The following SYMPK variants were observed in gnomAD, a reference collection of about 807,000 sequenced individuals.
The protein encoded by SYMPK is symplekin.
In SYMPK, 49 loss-of-function variants were observed where a neutral mutation model predicts 136.4. That is an observed-to-expected ratio of 0.36 (90% confidence interval 0.29 to 0.46). The LOEUF (loss-of-function observed/expected upper bound fraction) is 0.46. Ranked by LOEUF, SYMPK falls within the 20% of genes least tolerant of loss-of-function variation. SYMPK has a pLI of 1.00. For synonymous variants in SYMPK, 766 were observed against 713.0 expected, an observed-to-expected ratio of 1.07 and a Z score of -1.19; for missense variants, 1,365 against 1,690.0, an observed-to-expected ratio of 0.81 and a Z score of 3.37.
rs1568604786 is a variant in SYMPK at position 45,816,148 on chromosome 19, T to TGGGGCC, written c.3384_3389dup (p.Ala1131_Pro1132dup). 2 of 1,547,654 alleles carry TGGGGCC rather than the reference T, an allele frequency of 1.3e-6. 1 individual carries two copies. The highest frequency in any genetic ancestry group is 2.4e-5 in the South Asian group (2 of 84,516). ...TGAGGTCCTGAGGGGGCCGGGGTGCTGGGGCCGGGGCCAAGGTCAGGGGCT... is the reference window on the plus strand; with the variant it reads ...TGAGGTCCTGAGGGGGCCGGGGTGCTGGGGCCGGGGCCGGGGCCAAGGTCAGGGGCT... On this transcript the variant is annotated inframe_insertion, in exon 26 of 27. Transcript: ENST00000245934.
In SYMPK at chr19:45,827,558, G is replaced by C; in HGVS notation, c.2133C>G (p.Phe711Leu). ...DLIFKRPSRQFQYLHVLLDLS... is the reference protein window; with the variant it reads ...DLIFKRPSRQLQYLHVLLDLS... The stretch of plus-strand genomic sequence containing the variant: ...GGTCGAGGAGGACATGCAGGTACTG[G>C]AACTGGCGGGACGGGCGCTTGAAGA... The change falls in exon 16 of 27, where the codon TTC (phenylalanine) becomes TTG (leucine). Residue 711 changes from phenylalanine to leucine, a missense_variant. Physicochemically the swap from Phe to Leu is conservative, Grantham distance 22. Coordinates refer to ENST00000245934, the MANE Select transcript of SYMPK (RefSeq NM_004819.3). 1.9e-6 allele frequency: 3 copies of C among 1,614,164 alleles called. No individual in the cohort carries two copies. The highest frequency in any genetic ancestry group is 1.1e-5 in the South Asian group (1 of 91,082).
chr19:45,831,954 C>T (rs1052403234), intron 11 of SYMPK, among the ~76,000 whole-genome samples: 1 of 152,158 alleles, frequency 6.6e-6, no homozygotes, highest in Non-Finnish European at 1.5e-5. Flanking sequence ...CTGCCTCAGC[C>T]TCTCAGCCTC....
Position 45,815,846 on chromosome 19 carries a change from C to G in SYMPK, c.3687+5G>C. ...TTCCTTCGCAGCGGAGGCTGCTCTCCCTACCTTGGGTAGGGGGCCCTCGAG... is the reference window on the plus strand; with the variant it reads ...TTCCTTCGCAGCGGAGGCTGCTCTCGCTACCTTGGGTAGGGGGCCCTCGAG... On this transcript the variant is annotated splice_donor_5th_base_variant and intron_variant, in intron 26 of 26. Coordinates refer to ENST00000245934, the MANE Select transcript of SYMPK (RefSeq NM_004819.3). The G allele has an allele frequency of 6.2e-7, 1 of 1,611,266 alleles. No homozygotes were observed. The highest frequency in any genetic ancestry group is 8.5e-7 in the Non-Finnish European group (1 of 1,179,420).
At chr19:45,817,912 A>T in intron 23 of SYMPK, 47 bp downstream of exon 23, 1 of 1,508,564 alleles carries the variant, frequency 6.6e-7, no homozygotes. Flanking sequence ...AGCAGGCTAG[A>T]AGCTGCTGTC....
chr19:45,816,792 G>A lies in SYMPK; in HGVS notation c.3258+6C>T. ...GGAAAGGGTACCTGGTGGGGGGAAG[G>A]GGTACCTGGTGGGGGGTGAAGGAGC... is the stretch of plus-strand genomic sequence containing the variant. On this transcript the variant is annotated splice_donor_region_variant and intron_variant, in intron 24 of 26. Coordinates refer to ENST00000245934, the MANE Select transcript of SYMPK (RefSeq NM_004819.3). 1.3e-6 allele frequency: 2 copies of A among 1,525,762 alleles called. No homozygotes were observed. Among genetic ancestry groups the A allele is most frequent in the Non-Finnish European group, 8.8e-7 (1 of 1,135,958 alleles). The allele number at this position is 1,525,762 out of a possible 1,614,324, so 94.5% of individuals were successfully genotyped here.
In SYMPK at chr19:45,815,899, C is replaced by A. The variant is rs776327790; in HGVS notation, c.3639G>T (p.Leu1213=). 2.0e-5 allele frequency: 33 copies of A among 1,612,382 alleles called. No individual in the cohort carries two copies. Among genetic ancestry groups the A allele is most frequent in the Non-Finnish European group, 2.6e-5 (31 of 1,179,896 alleles). Residue 1213 remains leucine, a synonymous_variant, in exon 26 of 27, where the codon CTG becomes CTT. Coordinates refer to ENST00000245934, the MANE Select transcript of SYMPK (RefSeq NM_004819.3). ...TAGAGTCCAACAGCGCGGCCTCGGT[C>A]AGCCCCGAGTCGTCATCCATGCTGA... ...IFISMDDDSG[L]TEAALLDSSL...
chr19:45,821,184 AAGG>A lies in SYMPK; in HGVS notation c.2893+197_2893+199del, dbSNP rs1240040560. 1.7e-5 allele frequency: 9 copies of A among 521,316 alleles called. No individual in the cohort carries two copies. The highest frequency in any genetic ancestry group is 2.9e-4 in the Middle Eastern group (1 of 3,468). The allele number at this position is 521,316 out of a possible 1,614,324, so 32.3% of individuals were successfully genotyped here. On this transcript the variant is annotated intron_variant, in intron 22 of 26. Coordinates refer to ENST00000245934, the MANE Select transcript of SYMPK (RefSeq NM_004819.3). This position sits in a 1 kb window ranked among gnomAD's most constrained non-coding sequence, Gnocchi z 4.4. ...TAAAGGGTAAAACCTGGGAGGAAGG[AAGG>A]AGGAGGGAGGGAGGGAGGGAGGGAA...
chr19:45,816,642 T>A (rs1186063903), intron 24 of SYMPK, 65 bp from the exon 25 acceptor site: 2 of 1,601,852 alleles, frequency 1.2e-6, no homozygotes, highest in African/African-American at 2.7e-5. Flanking sequence ...TTTGCACACC[T>A]CAGGTCCGGG....
At chr19:45,825,111 G>A in intron 18 of SYMPK, 60 bp downstream of exon 18, 2 of 1,572,772 alleles carry the variant, frequency 1.3e-6, no homozygotes, top group Non-Finnish European at 1.7e-6. Context: ...GGAAGAGCTG[G>A]AGCTGGGGAC....
chr19:45,844,357 G>A (rs932441737), intron 7 of SYMPK, among the ~76,000 whole-genome samples, 157 bp from the exon 8 acceptor site: 3 of 152,174 alleles, frequency 2.0e-5, no homozygotes, highest in African/African-American at 7.2e-5. Context: ...AGTTCTATGA[G>A]ACTATTAATG....
At chr19:45,862,918 G>A (rs1183615839) in intron 1 of SYMPK, 140 bp downstream of exon 1, 1 of 399,498 alleles carries the variant, frequency 2.5e-6, no homozygotes, top group African/African-American at 2.0e-5. Context: ...CCAAGGAAGG[G>A]TCCTGAGCAA....
At chr19:45,838,014 C>T (rs1971344261) in intron 10 of SYMPK, among the ~76,000 whole-genome samples, 2 of 152,096 alleles carry the variant, frequency 1.3e-5, no homozygotes, top group Non-Finnish European at 2.9e-5. Context: ...TTTGTTCCTT[C>T]CCGAATCTCA....
rs573072205 is a variant in SYMPK, at chr19:45,830,113, C to G, written c.1690G>C (p.Gly564Arg). 2 of 1,589,370 alleles carry G rather than the reference C, an allele frequency of 1.3e-6. No individual in the cohort carries two copies. The highest frequency in any genetic ancestry group is 3.5e-5 in the Admixed American group (2 of 57,298). ...GCCCGCAGGATCCGCTTCACAGCGCCCAGCTTCATGGCTTCCACCTGGGCA... is the reference window on the plus strand; with the variant it reads ...GCCCGCAGGATCCGCTTCACAGCGCGCAGCTTCATGGCTTCCACCTGGGCA... Reference protein sequence around the residue: ...TDAQVEAMKLGAVKRILRAEK... With the variant: ...TDAQVEAMKLRAVKRILRAEK... Residue 564 changes from glycine (G) to arginine (R), a missense_variant, in exon 13 of 27, where the codon GGC becomes CGC. Around this residue, in one of 11 missense-constraint regions of SYMPK, gnomAD observed 303 missense variants for 326.6 expected, o/e 0.93. Transcript: ENST00000245934.
rs200729092 is a variant in SYMPK at position 45,842,338 on chromosome 19, G to A, written c.999C>T (p.Ala333=). ...TLLVDLGTPQ[A]EIARNMPSSK... ...TGCTCGGCATGTTGCGGGCGATCTC[G>A]GCCTGAGGTGTGCCCAGGTCCACCA... is the stretch of plus-strand genomic sequence containing the variant. The change falls in exon 9 of 27, where the codon GCC becomes GCT. Residue 333 remains alanine (A), a synonymous_variant. Coordinates refer to ENST00000245934, the MANE Select transcript of SYMPK (RefSeq NM_004819.3). 4.3e-6 allele frequency: 7 copies of A among 1,614,106 alleles called. No homozygotes were observed. The highest frequency in any genetic ancestry group is 1.6e-4 in the Middle Eastern group (1 of 6,084).
At chr19:45,858,320 G>A (rs1192072868) in intron 1 of SYMPK, among the ~76,000 whole-genome samples, 1 of 152,008 alleles carries the variant, frequency 6.6e-6, no homozygotes, top group African/African-American at 2.4e-5. Context: ...CTCCCCCTGG[G>A]CTCTTTGCTC....
intron 9 of SYMPK, among the ~76,000 whole-genome samples, chr19:45,841,987 A>G (rs546502275): frequency 6.6e-6 from 1 of 151,914 alleles, no homozygotes; most frequent in South Asian, 2.1e-4. Context: ...ACTGTAATTT[A>G]TTTTTATAAT....
At chr19:45,845,784 C>T (rs1971545748) in intron 7 of SYMPK, among the ~76,000 whole-genome samples, 1 of 152,264 alleles carries the variant, frequency 6.6e-6, no homozygotes, top group Non-Finnish European at 1.5e-5. Flanking sequence ...AAACTCCAAA[C>T]AATTTTTAGG....
At position 45,852,539 on chromosome 19, in the gene SYMPK, G is replaced by A. The variant is rs1019489871; in HGVS notation, c.172-4C>T. 6.2e-7 allele frequency: 1 copy of A among 1,614,114 alleles called. No individual in the cohort carries two copies. Among genetic ancestry groups the A allele is most frequent in the East Asian group, 2.2e-5 (1 of 44,874 alleles). ...TGTTGATGATCAGCTCCTGGACCTG[G>A]AAGGAGATTGGGGGTGGGGAGGAGG... On this transcript the variant is annotated splice_region_variant and splice_polypyrimidine_tract_variant and intron_variant, in intron 3 of 26. Transcript: ENST00000245934.
Position 45,829,219 on chromosome 19 carries a change from G to A in SYMPK, c.1750-14C>T, listed in dbSNP as rs547830169. 1.7e-5 allele frequency: 27 copies of A among 1,609,002 alleles called. No homozygotes were observed. Among genetic ancestry groups the A allele is most frequent in the African/African-American group, 2.7e-5 (2 of 74,942 alleles). The stretch of plus-strand genomic sequence containing the variant: ...CTTTATGCGGACCTGGTGGGAGGGT[G>A]AGCCAGCATGTCAGTGTAGGGTGGG... On this transcript the variant is annotated splice_polypyrimidine_tract_variant and intron_variant, in intron 13 of 26. Transcript: ENST00000245934.
Sources: allele counts gnomAD v4.1 joint callset (sites outside exome capture counted in the v4.1 genomes callset), GRCh38; gene constraint gnomAD v4.1.1; regional missense constraint gnomAD v4.1.1; non-coding constraint Gnocchi (gnomAD v3.1); transcripts MANE v1.5; gene names NCBI Gene and HGNC (gene_info 2026-07-23, HGNC 2026-07-21).